Variants in CTNNA2 observed in about 807,000 individuals in gnomAD.
The protein encoded by CTNNA2 is catenin alpha 2.
A neutral mutation model predicts 101.0 loss-of-function variants in CTNNA2; 42 were observed. That is an observed-to-expected ratio of 0.42 (90% CI 0.32 to 0.54). CTNNA2 has a LOEUF of 0.54. Ranked by LOEUF, CTNNA2 falls within the 20% of genes least tolerant of loss-of-function variation. The pLI is 0.14. For synonymous variants in CTNNA2, 450 were observed against 456.4 expected, an observed-to-expected ratio of 0.99 and a Z score of 0.18; for missense variants, 871 against 1,223.1, an observed-to-expected ratio of 0.71 and a Z score of 4.29.
intron 12 of CTNNA2, among the ~76,000 whole-genome samples, chr2:80,562,552 C>T (rs1299658773): frequency 6.6e-6 from 1 of 152,168 alleles, no homozygotes; most frequent in Non-Finnish European, 1.5e-5. Context: ...CTTCTGTCAA[C>T]AGAACATATT....
At chr2:80,632,212 G>T (rs1462897443) in intron 18 of CTNNA2, among the ~76,000 whole-genome samples, 1 of 151,798 alleles carries the variant, frequency 6.6e-6, no homozygotes, top group Non-Finnish European at 1.5e-5. Flanking sequence ...GTAAAGGTGG[G>T]CAAGAAGCTA....
chr2:79,393,518 C>T (rs1217549102), intron 4 of CTNNA2, among the ~76,000 whole-genome samples: 1 of 151,680 alleles, frequency 6.6e-6, no homozygotes, highest in African/African-American at 2.4e-5. Flanking sequence ...AAAATATTTA[C>T]CATCTGGCCC....
chr2:80,025,007 C>T (rs1202013365), intron 7 of CTNNA2, among the ~76,000 whole-genome samples: 1 of 152,084 alleles, frequency 6.6e-6, no homozygotes, highest in Non-Finnish European at 1.5e-5. Context: ...ATAATCTTCC[C>T]CTCGAGTTCG....
intron 7 of CTNNA2, among the ~76,000 whole-genome samples, chr2:80,008,795 T>G (rs1313100475): frequency 1.3e-5 from 2 of 152,178 alleles, no homozygotes; most frequent in African/African-American, 4.8e-5. Context: ...TGAGATAACT[T>G]ATGTAAACAA....
intron 1 of CTNNA2, among the ~76,000 whole-genome samples, chr2:79,646,523 T>A (rs774520910): frequency 2.4e-5 from 3 of 124,946 alleles, no homozygotes; most frequent in African/African-American, 9.1e-5. Context: ...TTTCTTTCTG[T>A]CTTTTTTTTT....
chr2:80,495,872 G>A (rs1043707822), intron 9 of CTNNA2, among the ~76,000 whole-genome samples: 10 of 146,932 alleles, frequency 6.8e-5, no homozygotes, highest in South Asian at 2.2e-4. Flanking sequence ...CCCGGGAGAC[G>A]GAGGTTTCAG....
chr2:79,952,778 G>T (rs1397766459), intron 7 of CTNNA2, among the ~76,000 whole-genome samples: 1 of 152,166 alleles, frequency 6.6e-6, no homozygotes, highest in Non-Finnish European at 1.5e-5. Flanking sequence ...GTCTGTGGCT[G>T]CTTTCACACT....
chr2:80,210,815 A>G (rs1487180467), intron 7 of CTNNA2, among the ~76,000 whole-genome samples: 1 of 152,216 alleles, frequency 6.6e-6, no homozygotes, highest in Admixed American at 6.5e-5. Context: ...TGATTGAACT[A>G]GTTTACAGTC....
chr2:79,508,955 GTATATATATATATATATATATATA>G (rs530470576), upstream of CTNNA2, among the ~76,000 whole-genome samples: 482 of 90,968 alleles, frequency 5.3e-3, 9 homozygotes, highest in African/African-American at 0.016. Flanking sequence ...CACCATTGCA[GTATATATATATATATATATATATA>G]TATATATATA....
intron 9 of CTNNA2, among the ~76,000 whole-genome samples, chr2:80,442,223 A>G (rs148417507): frequency 2.0e-5 from 3 of 152,276 alleles, no homozygotes; most frequent in African/African-American, 7.2e-5. Context: ...TTGAGGCAGT[A>G]TGGTGATGTG....
chr2:79,332,784 C>T (rs922710468), intron 3 of CTNNA2, among the ~76,000 whole-genome samples: 3 of 152,116 alleles, frequency 2.0e-5, no homozygotes, highest in Non-Finnish European at 4.4e-5. Context: ...TGATTATGTA[C>T]ATTTCCTTCG....
intron 1 of CTNNA2, among the ~76,000 whole-genome samples, chr2:79,544,384 G>A (rs79777714): frequency 8.4e-4 from 128 of 152,250 alleles, no homozygotes; most frequent in African/African-American, 2.9e-3. Flanking sequence ...CATGAACATG[G>A]CTTTCTTTTC....
intron 4 of CTNNA2, among the ~76,000 whole-genome samples, chr2:79,403,503 A>G (rs1239037437): frequency 6.6e-6 from 1 of 151,962 alleles, no homozygotes. Context: ...ACAGTTTGAT[A>G]TAGAACATTT....
At chr2:79,699,930 A>G (rs1193740180) in intron 2 of CTNNA2, among the ~76,000 whole-genome samples, 3 of 148,384 alleles carry the variant, frequency 2.0e-5, no homozygotes, top group Non-Finnish European at 4.5e-5. Context: ...ATGTATATAT[A>G]ATATATTTAC....
At chr2:80,034,200 G>A (rs950846712) in intron 7 of CTNNA2, among the ~76,000 whole-genome samples, 12 of 151,618 alleles carry the variant, frequency 7.9e-5, no homozygotes, top group African/African-American at 1.9e-4. Context: ...CTAATTTTCC[G>A]TAAAACATCC....
intron 7 of CTNNA2, among the ~76,000 whole-genome samples, chr2:80,064,944 A>G (rs922473683): frequency 6.6e-6 from 1 of 152,184 alleles, no homozygotes; most frequent in Non-Finnish European, 1.5e-5. Flanking sequence ...TCAGTAAACT[A>G]TTGTGTCTGA....
intron 7 of CTNNA2, among the ~76,000 whole-genome samples, chr2:80,055,088 G>A (rs1697132415): frequency 6.6e-6 from 1 of 151,982 alleles, no homozygotes; most frequent in African/African-American, 2.4e-5. Flanking sequence ...GTGCAGTGAT[G>A]GGATCCTAGT....
intron 3 of CTNNA2, among the ~76,000 whole-genome samples, chr2:79,368,805 A>C (rs1677806477): frequency 6.6e-6 from 1 of 152,198 alleles, no homozygotes; most frequent in Admixed American, 6.5e-5. Flanking sequence ...AATGAAATTA[A>C]AGCTTTTTAT....
intron 2 of CTNNA2, among the ~76,000 whole-genome samples, chr2:79,230,091 T>A (rs1674470063): frequency 6.6e-6 from 1 of 152,090 alleles, no homozygotes; most frequent in African/African-American, 2.4e-5. Context: ...AAAATGAAAA[T>A]CCCTTTTTCT....
Sources: allele counts gnomAD v4.1 joint callset (sites outside exome capture counted in the v4.1 genomes callset), GRCh38; gene constraint gnomAD v4.1.1; transcripts MANE v1.5; gene names NCBI Gene and HGNC (gene_info 2026-07-23, HGNC 2026-07-21).